Variants in SMYD3 observed in about 807,000 individuals in gnomAD.
The protein encoded by SMYD3 is SET and MYND domain containing 3.
Under a neutral mutation model 57.7 loss-of-function variants are expected in SMYD3, and 36 were observed. That is an observed-to-expected ratio of 0.62 (90% confidence interval 0.48 to 0.82). SMYD3 has a LOEUF of 0.82. Among genes scored for constraint, SMYD3 ranks in the 40% least tolerant of loss-of-function variants. The pLI is 0.00. For synonymous variants in SMYD3, 211 were observed against 195.0 expected (o/e 1.08, Z -0.68); for missense variants, 515 against 538.8 (o/e 0.96, Z 0.44).
chr1:246,349,823 A>G (rs2065793262), intron 2 of SMYD3, among the ~76,000 whole-genome samples: 1 of 152,222 alleles, frequency 6.6e-6, no homozygotes, highest in Non-Finnish European at 1.5e-5. Flanking sequence ...AAAAGGCTCA[A>G]CTGAAACCAC....
At chr1:245,971,151 C>G (rs999762597) in intron 5 of SMYD3, among the ~76,000 whole-genome samples, 2 of 152,172 alleles carry the variant, frequency 1.3e-5, no homozygotes, top group Non-Finnish European at 2.9e-5. Flanking sequence ...TTTGCAGGGA[C>G]ATGGATGAAG....
chr1:246,498,244 C>T (rs2068394972), intron 1 of SMYD3, among the ~76,000 whole-genome samples: 1 of 152,026 alleles, frequency 6.6e-6, no homozygotes, highest in East Asian at 2.0e-4. Flanking sequence ...TTCATTAGAG[C>T]AATATGCACA....
chr1:246,118,200 G>C (rs1234503253), intron 5 of SMYD3, among the ~76,000 whole-genome samples: 1 of 152,136 alleles, frequency 6.6e-6, no homozygotes, highest in African/African-American at 2.4e-5. Flanking sequence ...CTGACTTTTA[G>C]TTTATTTTTC....
At chr1:246,410,935 T>G (rs544117399) in intron 1 of SMYD3, among the ~76,000 whole-genome samples, 1 of 152,254 alleles carries the variant, frequency 6.6e-6, no homozygotes, top group Non-Finnish European at 1.5e-5. Context: ...CCATTTCTTC[T>G]AGATTTTCTA....
intron 8 of SMYD3, among the ~76,000 whole-genome samples, chr1:245,881,719 T>C (rs2052788702): frequency 6.6e-6 from 1 of 152,166 alleles, no homozygotes; most frequent in South Asian, 2.1e-4. Flanking sequence ...ATCATGGAAA[T>C]AAAGGCATTG....
At chr1:246,000,933 T>C (rs2059029711) in intron 5 of SMYD3, among the ~76,000 whole-genome samples, 2 of 152,240 alleles carry the variant, frequency 1.3e-5, no homozygotes, top group African/African-American at 4.8e-5. Context: ...ATCGAAAGTC[T>C]AGCTAACTTA....
At chr1:245,920,442 A>G (rs902346188) in intron 7 of SMYD3, among the ~76,000 whole-genome samples, 1 of 152,188 alleles carries the variant, frequency 6.6e-6, no homozygotes, top group Non-Finnish European at 1.5e-5. Context: ...AAAGCCTGAA[A>G]AATGTCACTT....
At chr1:246,463,714 T>C (rs866257084) in intron 1 of SMYD3, among the ~76,000 whole-genome samples, 93 of 143,648 alleles carry the variant, frequency 6.5e-4, no homozygotes, top group African/African-American at 2.2e-3. Flanking sequence ...CGGGCGCCTG[T>C]AGTCCCAGCT....
At chr1:246,005,861 C>T (rs1311017861) in intron 5 of SMYD3, among the ~76,000 whole-genome samples, 1 of 152,176 alleles carries the variant, frequency 6.6e-6, no homozygotes, top group Non-Finnish European at 1.5e-5. Context: ...CCTGTCAGAA[C>T]CAGCACACAT....
At chr1:246,248,819 T>G (rs1417837763) in intron 5 of SMYD3, among the ~76,000 whole-genome samples, 1 of 140,004 alleles carries the variant, frequency 7.1e-6, no homozygotes, top group Non-Finnish European at 1.5e-5. Flanking sequence ...TTTTTTTTTT[T>G]TTTTTTTTTT....
intron 5 of SMYD3, among the ~76,000 whole-genome samples, chr1:245,978,167 T>C (rs1347369041): frequency 6.6e-6 from 1 of 152,178 alleles, no homozygotes; most frequent in East Asian, 1.9e-4. Flanking sequence ...CCAGAGACAT[T>C]TGGTTCCTCT....
At chr1:246,267,373 AT>A (rs1261312228) in intron 5 of SMYD3, among the ~76,000 whole-genome samples, 1 of 152,184 alleles carries the variant, frequency 6.6e-6, no homozygotes. Flanking sequence ...TAGAAAAAAA[AT>A]GGTATTATTT....
At chr1:245,829,321 A>T (rs947370735) in intron 10 of SMYD3, among the ~76,000 whole-genome samples, 2 of 152,158 alleles carry the variant, frequency 1.3e-5, no homozygotes, top group African/African-American at 2.4e-5. Context: ...TCTAGGCCCT[A>T]GGGATATAAG....
chr1:245,868,831 G>A (rs2052021633), intron 8 of SMYD3, among the ~76,000 whole-genome samples: 1 of 152,070 alleles, frequency 6.6e-6, no homozygotes, highest in South Asian at 2.1e-4. Context: ...GTCTACACTG[G>A]GTCTGTCACG....
At chr1:246,189,455 C>T (rs1447584411) in intron 5 of SMYD3, among the ~76,000 whole-genome samples, 1 of 152,144 alleles carries the variant, frequency 6.6e-6, no homozygotes, top group Non-Finnish European at 1.5e-5. Flanking sequence ...ATACAGCTAA[C>T]ATTAACTGGT....
intron 1 of SMYD3, among the ~76,000 whole-genome samples, chr1:246,390,800 A>G (rs1572452403): frequency 1.3e-5 from 2 of 152,300 alleles, no homozygotes; most frequent in Admixed American, 1.3e-4. Context: ...CAAGTGCACA[A>G]CAGCCACATG....
chr1:245,863,711 C>G, intron 9 of SMYD3, 88 bp downstream of exon 9: 1 of 1,244,548 alleles, frequency 8.0e-7, no homozygotes, highest in Non-Finnish European at 1.2e-6. Flanking sequence ...AGAGGTCAAA[C>G]CCCGCCTCTG....
chr1:246,494,165 AAAT>A (rs2068320817), intron 1 of SMYD3, among the ~76,000 whole-genome samples: 1 of 152,210 alleles, frequency 6.6e-6, no homozygotes, highest in South Asian at 2.1e-4. Flanking sequence ...TGTACCTAGA[AAAT>A]AAAGTTCAAA....
rs1408330787 is a variant in SMYD3 at position 246,256,602 on chromosome 1, G to C, written c.531+70599C>G. ...ATCTAGCTAATGGTCTATCAATCTT[G>C]TGTATCCTTTCAAATAACCAATTTT... On this transcript the variant is annotated intron_variant, in intron 5 of 11. Transcript: ENST00000490107. Among the ~76,000 whole-genome samples, 6 of 152,092 alleles carry C rather than the reference G, an allele frequency of 3.9e-5. 1 individual carries two copies. Among genetic ancestry groups the C allele is most frequent in the Admixed American group, 3.9e-4 (6 of 15,270 alleles).
Sources: allele counts gnomAD v4.1 joint callset (sites outside exome capture counted in the v4.1 genomes callset), GRCh38; gene constraint gnomAD v4.1.1; transcripts MANE v1.5; gene names NCBI Gene and HGNC (gene_info 2026-07-23, HGNC 2026-07-21).